Variants in RBFOX1 observed in about 807,000 individuals in gnomAD.
The protein encoded by RBFOX1 is RNA binding fox-1 homolog 1.
A neutral mutation model predicts 57.7 loss-of-function variants in RBFOX1; 8 were observed. The observed-to-expected ratio is 0.14, with a 90% CI of 0.08 to 0.25. RBFOX1 has a LOEUF of 0.25. Ranked by LOEUF, RBFOX1 falls within the 10% of genes least tolerant of loss-of-function variation. RBFOX1 has a pLI of 1.00. For synonymous variants in RBFOX1, 326 were observed against 222.4 expected, an observed-to-expected ratio of 1.47 and a Z score of -4.15; for missense variants, 611 against 548.5, an observed-to-expected ratio of 1.11 and a Z score of -1.14.
intron 4 of RBFOX1, among the ~76,000 whole-genome samples, chr16:7,508,089 C>G (rs759920994): frequency 3.3e-5 from 5 of 151,914 alleles, no homozygotes; most frequent in African/African-American, 1.2e-4. Flanking sequence ...CGGGTTCAAG[C>G]GATTCTCGTG....
At chr16:7,159,615 A>G (rs2077865009) in intron 4 of RBFOX1, among the ~76,000 whole-genome samples, 1 of 152,138 alleles carries the variant, frequency 6.6e-6, no homozygotes, top group Admixed American at 6.5e-5. Context: ...AGCTTCAGTC[A>G]TCTCCCGCTT....
intron 3 of RBFOX1, among the ~76,000 whole-genome samples, chr16:6,769,712 T>C (rs1203226999): frequency 6.6e-6 from 1 of 152,214 alleles, no homozygotes; most frequent in Non-Finnish European, 1.5e-5. Flanking sequence ...GATAAGCTTC[T>C]GTGGCTTGAT....
intron 5 of RBFOX1, among the ~76,000 whole-genome samples, chr16:7,549,832 G>A (rs748427740): frequency 2.0e-5 from 3 of 152,070 alleles, no homozygotes; most frequent in East Asian, 1.9e-4. Flanking sequence ...AATCTTCTTC[G>A]GAAACACCCT....
chr16:7,378,544 A>G (rs1596914112), intron 4 of RBFOX1, among the ~76,000 whole-genome samples: 1 of 152,324 alleles, frequency 6.6e-6, no homozygotes, highest in East Asian at 1.9e-4. Context: ...CTACCAAGCC[A>G]GTGGCAACTC....
At chr16:7,528,833 C>A (rs1273575812) in intron 5 of RBFOX1, among the ~76,000 whole-genome samples, 3 of 152,208 alleles carry the variant, frequency 2.0e-5, no homozygotes, top group African/African-American at 7.2e-5. Flanking sequence ...AAGAAGTTGG[C>A]TATTCTCTGT....
chr16:6,576,205 G>A lies in RBFOX1; in HGVS notation c.-63-78398G>A, dbSNP rs186711302. 3.0e-3 allele frequency among the ~76,000 whole-genome samples: 463 copies of A among 152,186 alleles called. 3 individuals carry two copies. Among genetic ancestry groups the A allele is most frequent in the Non-Finnish European group, 2.4e-3 (166 of 68,004 alleles). ...CCTGCTTATTCCAGTTCAGGCTTTC[G>A]AGTGGGTGGAGCCTGTCGTAGCATC... On this transcript the variant is annotated intron_variant, in intron 2 of 15. Coordinates refer to ENST00000550418, the MANE Select transcript of RBFOX1 (RefSeq NM_018723.4).
intron 4 of RBFOX1, among the ~76,000 whole-genome samples, chr16:7,056,305 C>T (rs8050559): frequency 1.3e-5 from 2 of 152,174 alleles, no homozygotes; most frequent in African/African-American, 4.8e-5. Context: ...CTTGTTCATT[C>T]CTCCGTCCCA....
chr16:5,779,666 C>A (rs1381571314), intron 3 of RBFOX1, among the ~76,000 whole-genome samples: 1 of 152,286 alleles, frequency 6.6e-6, no homozygotes, highest in East Asian at 1.9e-4. Context: ...ACTGGAAATT[C>A]TTCCAAAGGA....
intron 4 of RBFOX1, among the ~76,000 whole-genome samples, chr16:7,516,485 G>C (rs940199717): frequency 6.6e-6 from 1 of 152,202 alleles, no homozygotes; most frequent in African/African-American, 2.4e-5. Context: ...AACAGGAGTG[G>C]AGACAGACCA....
chr16:6,489,429 G>A (rs1270434555), intron 2 of RBFOX1, among the ~76,000 whole-genome samples: 1 of 152,078 alleles, frequency 6.6e-6, no homozygotes, highest in Non-Finnish European at 1.5e-5. Context: ...GATTGTTATT[G>A]TTTTTATCTA....
chr16:5,442,193 G>C (rs556722538), intron 1 of RBFOX1, among the ~76,000 whole-genome samples: 7 of 152,232 alleles, frequency 4.6e-5, no homozygotes, highest in Non-Finnish European at 8.8e-5. Context: ...GAAAGTAGAA[G>C]ATGATTTAGT....
intron 3 of RBFOX1, among the ~76,000 whole-genome samples, chr16:5,802,791 G>T (rs2055101393): frequency 6.6e-6 from 1 of 152,054 alleles, no homozygotes; most frequent in East Asian, 1.9e-4. Flanking sequence ...TTATATATTG[G>T]TTCATTTGTT....
chr16:6,878,889 C>T (rs923397206), intron 3 of RBFOX1, among the ~76,000 whole-genome samples: 14 of 152,224 alleles, frequency 9.2e-5, no homozygotes, highest in Admixed American at 8.5e-4. Flanking sequence ...GATAGTTCTC[C>T]CAGTACCATC....
intron 3 of RBFOX1, among the ~76,000 whole-genome samples, chr16:5,841,035 C>T (rs530184262): frequency 6.6e-6 from 1 of 152,316 alleles, no homozygotes; most frequent in East Asian, 1.9e-4. Context: ...CAGATAACGT[C>T]TCAGGCAGGT....
intron 4 of RBFOX1, among the ~76,000 whole-genome samples, chr16:5,953,510 A>C (rs1032136218): frequency 6.6e-6 from 1 of 151,930 alleles, no homozygotes; most frequent in Non-Finnish European, 1.5e-5. Flanking sequence ...TTTCCCCCCG[A>C]GTCCCCAAAG....
At chr16:6,856,662 C>T (rs538036914) in intron 3 of RBFOX1, among the ~76,000 whole-genome samples, 1 of 152,168 alleles carries the variant, frequency 6.6e-6, no homozygotes, top group Admixed American at 6.5e-5. Context: ...TTTATATATT[C>T]CTGTATTCTT....
At chr16:6,346,084 CTT>C (rs2085325164) in intron 2 of RBFOX1, among the ~76,000 whole-genome samples, 1 of 152,118 alleles carries the variant, frequency 6.6e-6, no homozygotes, top group Admixed American at 6.6e-5. Context: ...AGAGGGATGA[CTT>C]TGAATAGAAT....
At chr16:7,462,521 G>T (rs1032375956) in intron 4 of RBFOX1, among the ~76,000 whole-genome samples, 1 of 152,140 alleles carries the variant, frequency 6.6e-6, no homozygotes, top group African/African-American at 2.4e-5. Flanking sequence ...AAAAAAACCC[G>T]CCATGTATTA....
In RBFOX1 at chr16:6,653,207, G is replaced by A. The variant is rs180871771; in HGVS notation, c.-63-1396G>A. Among the ~76,000 whole-genome samples the A allele has an allele frequency of 2.0e-4, 31 of 152,058 alleles. No homozygotes were observed. The Middle Eastern group carries it at 0.024, about 117-fold the overall frequency. On this transcript the variant is annotated intron_variant, in intron 2 of 15. Coordinates refer to ENST00000550418, the MANE Select transcript of RBFOX1 (RefSeq NM_018723.4). ...TTTCAAAAAAATCAACATCAACATC[G>A]TATTCCCCTACCCTCAGCATTTCCC... is the stretch of plus-strand genomic sequence containing the variant.
Sources: allele counts gnomAD v4.1 joint callset (sites outside exome capture counted in the v4.1 genomes callset), GRCh38; gene constraint gnomAD v4.1.1; transcripts MANE v1.5; gene names NCBI Gene and HGNC (gene_info 2026-07-23, HGNC 2026-07-21).